The following EPN2 variants were observed in gnomAD, a reference collection of about 807,000 sequenced individuals.
The protein encoded by EPN2 is epsin 2.
In EPN2, 34 loss-of-function variants were observed where a neutral mutation model predicts 61.7. The ratio of observed to expected loss-of-function variants is 0.55; its 90% confidence interval spans 0.42 to 0.73. EPN2 has a LOEUF of 0.73. Ranked by LOEUF, EPN2 falls within the 30% of genes least tolerant of loss-of-function variation. The pLI, the probability that EPN2 is intolerant of heterozygous loss-of-function variation, is 0.00. For missense variants in EPN2, 714 were observed against 839.2 expected (o/e 0.85, Z 1.84); for synonymous variants, 349 against 353.6 (o/e 0.99, Z 0.15).
At chr17:19,278,005 C>T (rs771200130) in intron 1 of EPN2, among the ~76,000 whole-genome samples, 5 of 140,250 alleles carry the variant, frequency 3.6e-5, no homozygotes, top group East Asian at 2.1e-4. Context: ...ACCTGGGAGG[C>T]GGAGCTTGCA....
intron 1 of EPN2, among the ~76,000 whole-genome samples, chr17:19,256,858 G>A (rs920057472): frequency 6.6e-6 from 1 of 152,210 alleles, no homozygotes; most frequent in African/African-American, 2.4e-5. Flanking sequence ...GCTGTATAAT[G>A]TGATTGCAGA....
chr17:19,244,640 A>G (rs1481751379), intron 1 of EPN2, among the ~76,000 whole-genome samples: 1 of 151,904 alleles, frequency 6.6e-6, no homozygotes, highest in Non-Finnish European at 1.5e-5. Context: ...TTTTTTCTTC[A>G]GTGGTAATTA....
chr17:19,300,602 A>G (rs1018674560), intron 4 of EPN2, among the ~76,000 whole-genome samples: 1 of 151,680 alleles, frequency 6.6e-6, no homozygotes, highest in Admixed American at 6.6e-5. Context: ...CTAATTTTGT[A>G]TTTTTAGTAG....
At chr17:19,239,057 A>T (rs1178812162) in intron 1 of EPN2, among the ~76,000 whole-genome samples, 1 of 152,232 alleles carries the variant, frequency 6.6e-6, no homozygotes, top group East Asian at 1.9e-4. Context: ...GAACATCAAA[A>T]GGGACTACAA....
chr17:19,309,843 A>T, intron 4 of EPN2, 42 bp from the exon 5 acceptor site: 1 of 1,525,708 alleles, frequency 6.6e-7, no homozygotes, highest in Non-Finnish European at 9.0e-7. Flanking sequence ...GAGCTGTATC[A>T]GCCTTGTCTT....
intron 4 of EPN2, among the ~76,000 whole-genome samples, chr17:19,304,552 A>T (rs751484945): frequency 2.0e-5 from 3 of 152,216 alleles, no homozygotes; most frequent in Non-Finnish European, 4.4e-5. Flanking sequence ...GAAGGAGCTT[A>T]GCCCTCAGGT....
rs147719775 is a variant in EPN2 at position 19,295,366 on chromosome 17, A to ACACGCG, written c.766+9577_766+9578insACGCGC. On this transcript the variant is annotated intron_variant, in intron 4 of 10. Transcript: ENST00000314728. ...TACACACACACACACACACACACAC[A>ACACGCG]CGCGCGTGCGCGCAAAATAGCCAGG... Among the ~76,000 whole-genome samples, 690 of 140,368 alleles carry ACACGCG rather than the reference A, an allele frequency of 4.9e-3. 5 individuals are homozygous for ACACGCG. The highest frequency in any genetic ancestry group is 7.9e-3 in the Non-Finnish European group (514 of 65,166). The allele number at this position is 140,368 out of a possible 152,430, so 92.1% of individuals were successfully genotyped here.
chr17:19,332,442 C>T (rs551152174), intron 10 of EPN2, among the ~76,000 whole-genome samples: 4 of 152,130 alleles, frequency 2.6e-5, no homozygotes, highest in Admixed American at 6.5e-5. Flanking sequence ...ATTCCTCTCT[C>T]GGGAAAAATG....
rs1275235176 is a variant in EPN2 at position 19,270,718 on chromosome 17, T to C, written c.-293-11237T>C. On this transcript the variant is annotated intron_variant, in intron 1 of 10. Transcript: ENST00000314728. Reference sequence around the variant, plus strand: ...ATGCAGCTGGAAAGGCAGGACATAATCCCTGTGGCCGGAGTGAGAACTACA... The same window carrying C: ...ATGCAGCTGGAAAGGCAGGACATAACCCCTGTGGCCGGAGTGAGAACTACA... Among the ~76,000 whole-genome samples, 4 of 152,174 alleles carry C rather than the reference T, an allele frequency of 2.6e-5. No homozygotes were observed. The South Asian group carries it at 6.2e-4, about 24-fold the overall frequency.
At chr17:19,327,363 C>G (rs1906929812) in intron 7 of EPN2, among the ~76,000 whole-genome samples, 1 of 152,132 alleles carries the variant, frequency 6.6e-6, no homozygotes, top group African/African-American at 2.4e-5. Context: ...CAGAATGCTT[C>G]TATTCATATA....
intron 1 of EPN2, among the ~76,000 whole-genome samples, chr17:19,241,818 A>C (rs1241394658): frequency 6.6e-6 from 1 of 152,168 alleles, no homozygotes; most frequent in Non-Finnish European, 1.5e-5. Flanking sequence ...ACTGAGGCCC[A>C]GAGAGGTTAA....
intron 1 of EPN2, among the ~76,000 whole-genome samples, chr17:19,276,781 T>TTTTTGTTTGTTTG (rs1555598455): frequency 5.3e-5 from 8 of 150,160 alleles, no homozygotes; most frequent in African/African-American, 1.8e-4. Context: ...AAGTTTTTTT[T>TTTTTGTTTGTTTG]TTTTTTTTTT....
At chr17:19,237,657 G>T (rs1217031606) in intron 1 of EPN2, 126 bp downstream of exon 1, 2 of 152,272 alleles carry the variant, frequency 1.3e-5, no homozygotes, top group African/African-American at 4.8e-5. Flanking sequence ...GCCAGGGCAT[G>T]CGCCCCTGCC....
chr17:19,243,264 G>T (rs2044905265), intron 1 of EPN2, among the ~76,000 whole-genome samples: 1 of 144,638 alleles, frequency 6.9e-6, no homozygotes, highest in East Asian at 2.0e-4. Context: ...CTGTTGCCCA[G>T]GCTGGAGTGC....
intron 9 of EPN2, among the ~76,000 whole-genome samples, chr17:19,330,363 AT>A (rs1907102935): frequency 1.3e-5 from 2 of 151,212 alleles, no homozygotes; most frequent in Admixed American, 1.3e-4. Flanking sequence ...TACCACCTCT[AT>A]CCCAGTCTCT....
At chr17:19,260,407 C>T (rs1343559056) in intron 1 of EPN2, among the ~76,000 whole-genome samples, 1 of 152,126 alleles carries the variant, frequency 6.6e-6, no homozygotes, top group Non-Finnish European at 1.5e-5. Context: ...GGAAGAGAGT[C>T]ACAGAAAGGA....
chr17:19,319,059 G>A (rs1281471951), intron 7 of EPN2, among the ~76,000 whole-genome samples: 5 of 151,794 alleles, frequency 3.3e-5, no homozygotes, highest in Non-Finnish European at 7.4e-5. Context: ...TTAGCCAGGT[G>A]TGGTGGTGTG....
intron 1 of EPN2, among the ~76,000 whole-genome samples, chr17:19,259,131 G>A (rs1185838717): frequency 4.6e-5 from 7 of 152,180 alleles, no homozygotes; most frequent in Admixed American, 4.6e-4. Context: ...GCTGAATCAA[G>A]TCTTGGAAAT....
At position 19,332,167 on chromosome 17, in the gene EPN2, G is replaced by A. The variant is rs922283136; in HGVS notation, c.1627+99G>A. On this transcript the variant is annotated intron_variant, in intron 10 of 10. Transcript: ENST00000314728. ...CTCTTCCCACTGTGTGACGGGGAAG[G>A]GGTGGGACTAGCTGGAATCTCTAGA... The A allele has an allele frequency of 1.0e-5, 9 of 894,842 alleles. No individual in the cohort carries two copies. The Admixed American group carries it at 1.7e-4, about 17-fold the overall frequency. The allele number at this position is 894,842 out of a possible 1,614,324, so 55.4% of individuals were successfully genotyped here.
Sources: gnomAD v4.1 joint callset for allele counts (sites outside exome capture counted in the v4.1 genomes callset) on GRCh38, gnomAD v4.1.1 for gene constraint, MANE v1.5 for transcripts, NCBI Gene and HGNC (gene_info 2026-07-23, HGNC 2026-07-21) for gene names.